Variants in SLC26A4 observed in about 807,000 individuals in gnomAD.
SLC26A4 encodes solute carrier family 26 member 4, also known as pendrin.
In SLC26A4, 93 loss-of-function variants were observed where a neutral mutation model predicts 90.4. That is an observed-to-expected ratio of 1.03 (90% CI 0.87 to 1.22). SLC26A4 has a LOEUF of 1.22. SLC26A4 is among the 50% of genes most tolerant of loss of function. The pLI, the probability that SLC26A4 is intolerant of heterozygous loss-of-function variation, is 0.00. For synonymous variants in SLC26A4, 393 were observed against 354.6 expected (o/e 1.11, Z -1.22); for missense variants, 1,127 against 946.2 (o/e 1.19, Z -2.51).
chr7:107,711,300 C>T (rs1792179282), intron 19 of SLC26A4, among the ~76,000 whole-genome samples: 1 of 151,890 alleles, frequency 6.6e-6, no homozygotes, highest in Non-Finnish European at 1.5e-5. Context: ...TTAAGAGATC[C>T]ACATTAAAAG....
At chr7:107,699,935 A>G in intron 14 of SLC26A4, 148 bp from the exon 15 acceptor site, 2 of 636,006 alleles carry the variant, frequency 3.1e-6, no homozygotes, top group Non-Finnish European at 5.6e-6. Flanking sequence ...CTCAAAAAAA[A>G]AAAAAAAAGA....
At chr7:107,694,920 G>T (rs1019919774) in intron 12 of SLC26A4, among the ~76,000 whole-genome samples, 1 of 152,096 alleles carries the variant, frequency 6.6e-6, no homozygotes, top group Non-Finnish European at 1.5e-5. Context: ...TCTCTGGGAA[G>T]GTCAATTTCC....
intron 8 of SLC26A4, among the ~76,000 whole-genome samples, chr7:107,687,943 G>A (rs1487570570): frequency 2.0e-5 from 3 of 152,156 alleles, no homozygotes; most frequent in East Asian, 1.9e-4. Context: ...TCTCATTGTG[G>A]GGTAGGATGG....
chr7:107,678,984 C>G (rs1296367269), intron 6 of SLC26A4, among the ~76,000 whole-genome samples: 2 of 152,060 alleles, frequency 1.3e-5, no homozygotes, highest in East Asian at 1.9e-4. Context: ...GCCCTCTCCC[C>G]CAAAAAGGTG....
chr7:107,715,587 T>G lies in SLC26A4; in HGVS notation c.*141T>G. The G allele has an allele frequency of 1.3e-6, 1 of 753,196 alleles. No homozygotes were observed. Among genetic ancestry groups the G allele is most frequent in the Non-Finnish European group, 2.4e-6 (1 of 413,778 alleles). The allele number at this position is 753,196 out of a possible 1,614,324, so 46.7% of individuals were successfully genotyped here. On this transcript the variant is annotated 3_prime_UTR_variant, in exon 21 of 21. Transcript: ENST00000644269. ...AGAAGCACTAAGACTGCTTCTAGGC[T>G]TTATTTATAAAATAAACACCTTATC...
chr7:107,693,640 C>A lies in SLC26A4; in HGVS notation c.1264-763C>A, dbSNP rs1200723441. On this transcript the variant is annotated intron_variant, in intron 10 of 20. Coordinates refer to ENST00000644269, the MANE Select transcript of SLC26A4 (RefSeq NM_000441.2). ...ATCAAACGAGAGAGTAGTCCCCACC[C>A]CCTCAGCCTCTCTCCTAACTAGTAT... 11 of 986,172 alleles carry A rather than the reference C, an allele frequency of 1.1e-5. No individual in the cohort carries two copies. In the African/African-American group the frequency reaches 1.9e-4, roughly 17 times the overall value. The allele number at this position is 986,172 out of a possible 1,614,324, so 61.1% of individuals were successfully genotyped here.
chr7:107,712,740 G>GAAAAGATGGCTTCATAGCAGGGA (rs1313777310), intron 20 of SLC26A4, 118 bp downstream of exon 20: 19 of 710,866 alleles, frequency 2.7e-5, no homozygotes, highest in Non-Finnish European at 2.5e-6. Flanking sequence ...CCCAAATGCA[G>GAAAAGATGGCTTCATAGCAGGGA]AAAAGATGGC....
intron 6 of SLC26A4, among the ~76,000 whole-genome samples, chr7:107,679,820 A>C (rs1357924642): frequency 1.5e-5 from 2 of 130,326 alleles, no homozygotes; most frequent in Non-Finnish European, 3.5e-5. Flanking sequence ...ATTATTATAT[A>C]ATATAATCTT....
At chr7:107,663,510 T>C in intron 3 of SLC26A4, 75 bp downstream of exon 3, 1 of 1,515,744 alleles carries the variant, frequency 6.6e-7, no homozygotes, top group Non-Finnish European at 9.2e-7. Flanking sequence ...CATAGGTCTG[T>C]GACAGATGGT....
chr7:107,699,838 G>A (rs1791835203), intron 14 of SLC26A4, among the ~76,000 whole-genome samples: 2 of 151,742 alleles, frequency 1.3e-5, no homozygotes, highest in African/African-American at 2.4e-5. Context: ...TGAGGCAGGA[G>A]AATCCCTTGA....
At chr7:107,707,268 C>A (rs1288859440) in intron 18 of SLC26A4, among the ~76,000 whole-genome samples, 1 of 152,156 alleles carries the variant, frequency 6.6e-6, no homozygotes, top group Admixed American at 6.5e-5. Flanking sequence ...AGCCATAAAA[C>A]CTGTAATTCT....
intron 18 of SLC26A4, among the ~76,000 whole-genome samples, chr7:107,705,572 C>G (rs1792017107): frequency 6.6e-6 from 1 of 152,166 alleles, no homozygotes; most frequent in South Asian, 2.1e-4. Flanking sequence ...ATATGTGGAA[C>G]AAGAAGTGTC....
At chr7:107,673,013 C>A (rs1353210586) in intron 4 of SLC26A4, among the ~76,000 whole-genome samples, 1 of 152,122 alleles carries the variant, frequency 6.6e-6, no homozygotes, top group East Asian at 1.9e-4. Flanking sequence ...ATGTTTTTGT[C>A]CTTAGTTGTA....
At chr7:107,714,756 C>T (rs1295777803) in intron 20 of SLC26A4, among the ~76,000 whole-genome samples, 2 of 152,028 alleles carry the variant, frequency 1.3e-5, no homozygotes, top group African/African-American at 4.8e-5. Flanking sequence ...TGGCTGTGCA[C>T]CCCAGGGCAA....
intron 10 of SLC26A4, among the ~76,000 whole-genome samples, chr7:107,690,837 C>G (rs1791546780): frequency 6.6e-6 from 1 of 151,810 alleles, no homozygotes; most frequent in Non-Finnish European, 1.5e-5. Flanking sequence ...TACAAGGTGG[C>G]CAAAAAGCCA....
rs770273286 is a variant in SLC26A4, at chr7:107,700,174, CAGTA to C, written c.1707+4_1707+7del. On this transcript the variant is annotated splice_donor_variant and splice_donor_region_variant and coding_sequence_variant and intron_variant, in exon 15 of 21. Transcript: ENST00000644269. LOFTEE classifies it high-confidence loss of function. ...GGTTTTAAAAAATGTATCAAGTCCA[CAGTA>C]AGTATTTTATCCCTAGAAATTTGTT... 3 of 1,478,750 alleles carry C rather than the reference CAGTA, an allele frequency of 2.0e-6. No homozygotes were observed. In the South Asian group the frequency reaches 3.4e-5, roughly 17 times the overall value. The allele number at this position is 1,478,750 out of a possible 1,614,324, so 91.6% of individuals were successfully genotyped here. A position where few individuals can be genotyped will look rare whatever the true frequency, so the allele number is the denominator to read the frequency against.
chr7:107,708,487 A>G (rs1792090040), intron 18 of SLC26A4, among the ~76,000 whole-genome samples: 1 of 151,750 alleles, frequency 6.6e-6, no homozygotes, highest in Non-Finnish European at 1.5e-5. Flanking sequence ...CCTTGTTTTG[A>G]TTTCCTTCAT....
chr7:107,681,726 T>G (rs1791234980), intron 6 of SLC26A4, among the ~76,000 whole-genome samples: 1 of 152,144 alleles, frequency 6.6e-6, no homozygotes, highest in Non-Finnish European at 1.5e-5. Context: ...CACCCTTGAT[T>G]CCCAGAAGTC....
chr7:107,689,145 T>C lies in SLC26A4; in HGVS notation c.1094T>C (p.Val365Ala), dbSNP rs1791500578. 1 of 1,613,834 alleles carries C rather than the reference T, an allele frequency of 6.2e-7. No individual in the cohort carries two copies. Among genetic ancestry groups the C allele is most frequent in the Non-Finnish European group, 8.5e-7 (1 of 1,179,788 alleles). ...GCTGTGGTGGCTTATGCTATTGCAGTGTCAGTAGGAAAAGTATATGCCACC... is the reference window on the plus strand; with the variant it reads ...GCTGTGGTGGCTTATGCTATTGCAGCGTCAGTAGGAAAAGTATATGCCACC... Reference protein sequence around the residue: ...SIAVVAYAIAVSVGKVYATKY... With the variant: ...SIAVVAYAIAASVGKVYATKY... Residue 365 changes from valine to alanine, a missense_variant, in exon 9 of 21, where the codon GTG (valine) becomes GCG (alanine). By Grantham distance (64) the Val-to-Ala change is moderately conservative. Coordinates refer to ENST00000644269, the MANE Select transcript of SLC26A4 (RefSeq NM_000441.2).
Sources: allele counts gnomAD v4.1 joint callset (sites outside exome capture counted in the v4.1 genomes callset), GRCh38; gene constraint gnomAD v4.1.1; transcripts MANE v1.5; gene names NCBI Gene and HGNC (gene_info 2026-07-23, HGNC 2026-07-21).